ANK2: variants seen among roughly 807,000 people sequenced by gnomAD.
The protein encoded by ANK2 is ankyrin 2.
In ANK2, 83 loss-of-function variants were observed where a neutral mutation model predicts 360.5. The observed-to-expected ratio is 0.23, with a 90% confidence interval of 0.19 to 0.28. ANK2 has a LOEUF of 0.28. ANK2 is among the 10% of genes least tolerant of loss of function. ANK2 has a pLI of 1.00. For synonymous variants in ANK2, 1,740 were observed against 1,759.5 expected, an observed-to-expected ratio of 0.99 and a Z score of 0.28; for missense variants, 4,201 against 4,795.7, an observed-to-expected ratio of 0.88 and a Z score of 3.66.
intron 2 of ANK2, among the ~76,000 whole-genome samples, chr4:112,974,232 A>C (rs914022101): frequency 6.6e-6 from 1 of 152,200 alleles, no homozygotes; most frequent in South Asian, 2.1e-4. Context: ...ATGCACTGTT[A>C]AATTGTGTTA....
intron 1 of ANK2, among the ~76,000 whole-genome samples, chr4:113,142,032 A>C (rs1242152641): frequency 1.3e-5 from 2 of 152,244 alleles, no homozygotes; most frequent in African/African-American, 4.8e-5. Context: ...GTGTGGTCAA[A>C]CATGCAAATA....
chr4:113,002,737 T>C (rs1285341756), intron 2 of ANK2, among the ~76,000 whole-genome samples: 4 of 152,222 alleles, frequency 2.6e-5, no homozygotes, highest in Non-Finnish European at 4.4e-5. Flanking sequence ...TCAATACCTA[T>C]GGAGATAAAG....
chr4:113,199,719 T>C (rs1165103723), intron 4 of ANK2, among the ~76,000 whole-genome samples: 1 of 152,138 alleles, frequency 6.6e-6, no homozygotes, highest in Non-Finnish European at 1.5e-5. Context: ...TTGATATCTA[T>C]TATATCATGT....
intron 2 of ANK2, among the ~76,000 whole-genome samples, chr4:112,972,318 A>G (rs1456566999): frequency 2.6e-5 from 4 of 152,090 alleles, no homozygotes; most frequent in Admixed American, 6.6e-5. Flanking sequence ...TGCATTAGGT[A>G]TTTGTCCTAA....
chr4:113,283,087 C>T lies in ANK2; in HGVS notation c.2079+215C>T, dbSNP rs29369. ...GACTCTCTGTATGGCAACACTTTGG[C>T]TTCTTGACTTTTCTATGCAAGTCAG... is the stretch of plus-strand genomic sequence containing the variant. On this transcript the variant is annotated intron_variant, in intron 18 of 45. Coordinates refer to ENST00000357077, the MANE Select transcript of ANK2 (RefSeq NM_001148.6). Among the ~76,000 whole-genome samples the T allele has an allele frequency of 0.029, 4,344 of 152,266 alleles. 102 individuals carry two copies. The highest frequency in any genetic ancestry group is 0.069 in the East Asian group (357 of 5,186).
At chr4:113,001,597 T>C (rs1236024060) in intron 2 of ANK2, among the ~76,000 whole-genome samples, 1 of 152,186 alleles carries the variant, frequency 6.6e-6, no homozygotes, top group African/African-American at 2.4e-5. Context: ...GGCCTTTGAT[T>C]CTAGTGACCC....
At chr4:112,781,367 T>TG in the ANK2 span, among the ~76,000 whole-genome samples, 1 of 152,310 alleles carries the variant, frequency 6.6e-6, no homozygotes, top group Middle Eastern at 3.4e-3. Flanking sequence ...CCCAAAGTCC[T>TG]GGGATTACAG....
intron 2 of ANK2, among the ~76,000 whole-genome samples, chr4:112,955,202 A>G (rs990436671): frequency 4.6e-5 from 7 of 152,008 alleles, no homozygotes; most frequent in African/African-American, 1.7e-4. Context: ...TGATCTACAT[A>G]CTTTTTATCT....
At chr4:112,800,110 T>C in the ANK2 span, among the ~76,000 whole-genome samples, 6 of 152,200 alleles carry the variant, frequency 3.9e-5, no homozygotes, top group Admixed American at 1.3e-4. Flanking sequence ...TGTTAATTAT[T>C]AGGAGTTCAA....
At chr4:113,294,543 A>C (rs1156763854) in intron 22 of ANK2, among the ~76,000 whole-genome samples, 1 of 152,200 alleles carries the variant, frequency 6.6e-6, no homozygotes, top group Non-Finnish European at 1.5e-5. Flanking sequence ...TGTGAGGAAA[A>C]AGAAAGGAAT....
At chr4:113,021,127 C>G (rs1177797107) in intron 2 of ANK2, among the ~76,000 whole-genome samples, 1 of 152,136 alleles carries the variant, frequency 6.6e-6, no homozygotes, top group Non-Finnish European at 1.5e-5. Flanking sequence ...TGCTAAATTA[C>G]TGGAATGTGA....
At chr4:113,095,709 A>T (rs1406830538) in intron 1 of ANK2, among the ~76,000 whole-genome samples, 1 of 152,228 alleles carries the variant, frequency 6.6e-6, no homozygotes, top group Non-Finnish European at 1.5e-5. Context: ...TTTTATAAAA[A>T]TAGAATTCTT....
chr4:112,720,370 C>T, the ANK2 span, among the ~76,000 whole-genome samples: 2 of 152,168 alleles, frequency 1.3e-5, no homozygotes, highest in African/African-American at 2.4e-5. Context: ...TGCCTACCCT[C>T]GAGTGCTGTT....
In ANK2 at chr4:113,159,282, A is replaced by C. The variant is rs139917319; in HGVS notation, c.85-15134A>C. 3.1e-3 allele frequency among the ~76,000 whole-genome samples: 470 copies of C among 151,912 alleles called. 3 individuals are homozygous for C. The highest frequency in any genetic ancestry group is 0.011 in the African/African-American group (443 of 41,418). On this transcript the variant is annotated intron_variant, in intron 1 of 45. Coordinates refer to ENST00000357077, the MANE Select transcript of ANK2 (RefSeq NM_001148.6). Reference sequence around the variant, plus strand: ...ATTTGTGTAAAAATGTATATGTAAAATGAAATATATAGACTCCCTATGACT... The same window carrying C: ...ATTTGTGTAAAAATGTATATGTAAACTGAAATATATAGACTCCCTATGACT...
rs1452627369 is a variant in ANK2 at position 113,024,484 on chromosome 4, C to G, written c.21+119970C>G. 2.6e-5 allele frequency among the ~76,000 whole-genome samples: 4 copies of G among 152,168 alleles called. No individual in the cohort carries two copies. The East Asian group carries it at 7.7e-4, about 29-fold the overall frequency. On this transcript the variant is annotated intron_variant, in intron 2 of 30. Transcript: ENST00000503271. ...TCTACAAAAATAAACACATGAGACA[C>G]TATTTTGTTTTTTAATCTAGCACTG...
chr4:112,995,803 A>G (rs546682427), intron 2 of ANK2, among the ~76,000 whole-genome samples: 1 of 152,270 alleles, frequency 6.6e-6, no homozygotes, highest in South Asian at 2.1e-4. Flanking sequence ...TATTCTTTCT[A>G]GCGGACATCA....
chr4:113,294,119 C>T (rs903136556), intron 22 of ANK2, among the ~76,000 whole-genome samples: 3 of 152,144 alleles, frequency 2.0e-5, no homozygotes, highest in Non-Finnish European at 2.9e-5. Context: ...CTTATTTTCT[C>T]TGTTTTGAAT....
chr4:113,171,337 G>A (rs1336026770), intron 1 of ANK2, among the ~76,000 whole-genome samples: 1 of 152,144 alleles, frequency 6.6e-6, no homozygotes, highest in African/African-American at 2.4e-5. Flanking sequence ...TGACCTCATT[G>A]TAGGGTACGA....
intron 2 of ANK2, among the ~76,000 whole-genome samples, chr4:113,004,364 T>C (rs540512156): frequency 1.2e-4 from 19 of 152,252 alleles, no homozygotes; most frequent in African/African-American, 4.3e-4. Context: ...TATAAACTAT[T>C]TTCTATTTAA....
Sources: gnomAD v4.1 joint callset for allele counts (sites outside exome capture counted in the v4.1 genomes callset) on GRCh38, gnomAD v4.1.1 for gene constraint, MANE v1.5 for transcripts, NCBI Gene and HGNC (gene_info 2026-07-23, HGNC 2026-07-21) for gene names.